Variants in UBE2E3 observed in about 807,000 individuals in gnomAD.
UBE2E3 encodes the protein ubiquitin-conjugating enzyme E2 E3.
Under a neutral mutation model 23.6 loss-of-function variants are expected in UBE2E3, and 5 were observed. The ratio of observed to expected loss-of-function variants is 0.21; its 90% CI spans 0.11 to 0.44. UBE2E3 has a LOEUF of 0.44. Among genes scored for constraint, UBE2E3 ranks in the 20% least tolerant of loss-of-function variants. The pLI is 0.99. For synonymous variants in UBE2E3, 78 were observed against 87.5 expected, an observed-to-expected ratio of 0.89 and a Z score of 0.60; for missense variants, 81 against 249.8, an observed-to-expected ratio of 0.32 and a Z score of 4.55.
chr2:181,029,498 C>G (rs770334454), intron 3 of UBE2E3, among the ~76,000 whole-genome samples: 1 of 151,906 alleles, frequency 6.6e-6, no homozygotes, highest in Non-Finnish European at 1.5e-5. Context: ...AAGTATTGTA[C>G]ATCTTTTGCT....
Position 180,998,689 on chromosome 2 carries a change from A to G in UBE2E3, c.245+14596A>G, listed in dbSNP as rs151279154. Among the ~76,000 whole-genome samples, 32 of 152,280 alleles carry G rather than the reference A, an allele frequency of 2.1e-4. 1 individual carries two copies. In the East Asian group the frequency reaches 6.0e-3, roughly 28 times the overall value. The stretch of plus-strand genomic sequence containing the variant: ...CTGTGCGTGAGCATGTCTATAGTTA[A>G]AGACTTAATGAGAAAGCATCAAATT... On this transcript the variant is annotated intron_variant, in intron 3 of 5. Coordinates refer to ENST00000410062, the MANE Select transcript of UBE2E3 (RefSeq NM_006357.4).
At chr2:181,028,446 A>G (rs1000844415) in intron 3 of UBE2E3, among the ~76,000 whole-genome samples, 2 of 152,068 alleles carry the variant, frequency 1.3e-5, no homozygotes, top group Non-Finnish European at 2.9e-5. Context: ...GGTGAGTCTC[A>G]CAGAGAACGT....
At chr2:181,044,786 C>T (rs1354387170) in intron 3 of UBE2E3, among the ~76,000 whole-genome samples, 3 of 152,120 alleles carry the variant, frequency 2.0e-5, no homozygotes, top group Non-Finnish European at 4.4e-5. Context: ...GTCTTAATTG[C>T]TCACTAGTTT....
At chr2:181,032,433 C>A (rs896200198) in intron 3 of UBE2E3, among the ~76,000 whole-genome samples, 15 of 151,918 alleles carry the variant, frequency 9.9e-5, no homozygotes, top group African/African-American at 3.6e-4. Flanking sequence ...TCAAATGGCC[C>A]CTATTTAACG....
intron 3 of UBE2E3, among the ~76,000 whole-genome samples, chr2:181,038,919 C>T (rs1209700295): frequency 6.6e-6 from 1 of 151,898 alleles, no homozygotes; most frequent in African/African-American, 2.4e-5. Flanking sequence ...TATAAAAAAA[C>T]AGGATGAGGA....
At chr2:181,043,912 C>T (rs529053893) in intron 3 of UBE2E3, among the ~76,000 whole-genome samples, 19 of 152,166 alleles carry the variant, frequency 1.2e-4, no homozygotes, top group Non-Finnish European at 1.3e-4. Flanking sequence ...GTGATTTAAC[C>T]GTTATTTCGT....
At chr2:181,033,283 T>A (rs1425225016) in intron 3 of UBE2E3, among the ~76,000 whole-genome samples, 1 of 152,112 alleles carries the variant, frequency 6.6e-6, no homozygotes, top group African/African-American at 2.4e-5. Context: ...CAAACTATAC[T>A]ACAAGGCTAC....
At chr2:181,017,029 CAG>C (rs1685513115) in intron 3 of UBE2E3, among the ~76,000 whole-genome samples, 1 of 152,136 alleles carries the variant, frequency 6.6e-6, no homozygotes, top group East Asian at 1.9e-4. Context: ...ATATCACAGA[CAG>C]AGTAGGGAGA....
At chr2:181,027,197 G>T (rs1262327635) in intron 3 of UBE2E3, among the ~76,000 whole-genome samples, 2 of 151,796 alleles carry the variant, frequency 1.3e-5, no homozygotes, top group East Asian at 3.9e-4. Flanking sequence ...GTGAATTTCG[G>T]ATTTGTAACG....
intron 3 of UBE2E3, among the ~76,000 whole-genome samples, chr2:181,000,579 G>C (rs1039621172): frequency 6.8e-6 from 1 of 146,176 alleles, no homozygotes; most frequent in Admixed American, 6.9e-5. Context: ...TTTTGAGACA[G>C]AGTCTCGCTC....
At chr2:180,985,148 T>A (rs147348574) in intron 3 of UBE2E3, among the ~76,000 whole-genome samples, 1 of 152,310 alleles carries the variant, frequency 6.6e-6, no homozygotes, top group East Asian at 1.9e-4. Context: ...GATTTGATCC[T>A]GATTTATCCG....
intron 3 of UBE2E3, among the ~76,000 whole-genome samples, chr2:181,019,854 A>G (rs539390264): frequency 6.6e-6 from 1 of 151,996 alleles, no homozygotes; most frequent in South Asian, 2.1e-4. Flanking sequence ...TTGTGGTGAG[A>G]ACATTTAAGA....
chr2:181,029,132 T>G (rs925707751), intron 3 of UBE2E3, among the ~76,000 whole-genome samples: 1 of 152,148 alleles, frequency 6.6e-6, no homozygotes, highest in African/African-American at 2.4e-5. Flanking sequence ...TGATTCTTTT[T>G]TTGCCTAGTT....
chr2:181,040,423 G>A (rs1686451571), intron 3 of UBE2E3, among the ~76,000 whole-genome samples: 1 of 152,044 alleles, frequency 6.6e-6, no homozygotes, highest in Admixed American at 6.6e-5. Flanking sequence ...AAATATTAGT[G>A]GATAGGAAAA....
chr2:181,046,881 C>T (rs1686687129), intron 3 of UBE2E3, among the ~76,000 whole-genome samples: 1 of 152,122 alleles, frequency 6.6e-6, no homozygotes, highest in African/African-American at 2.4e-5. Flanking sequence ...CCAGTTTTGA[C>T]TTATTGGGCC....
At chr2:181,030,486 G>T (rs1279620432) in intron 3 of UBE2E3, among the ~76,000 whole-genome samples, 3 of 151,904 alleles carry the variant, frequency 2.0e-5, no homozygotes, top group Non-Finnish European at 2.9e-5. Flanking sequence ...GATATGATTT[G>T]TTACTAAGAG....
chr2:181,009,052 A>C (rs996685449), intron 3 of UBE2E3, among the ~76,000 whole-genome samples: 1 of 152,178 alleles, frequency 6.6e-6, no homozygotes, highest in East Asian at 1.9e-4. Context: ...CAACATAAAC[A>C]GATAACCATT....
chr2:180,996,159 T>A (rs1387453503), intron 3 of UBE2E3, among the ~76,000 whole-genome samples: 2 of 152,204 alleles, frequency 1.3e-5, no homozygotes, highest in African/African-American at 4.8e-5. Flanking sequence ...CCTTAGAGGG[T>A]AAAAGTCATA....
intron 3 of UBE2E3, among the ~76,000 whole-genome samples, chr2:181,007,778 A>G (rs571693798): frequency 4.6e-5 from 7 of 152,316 alleles, no homozygotes; most frequent in South Asian, 2.1e-4. Context: ...ACTTTCCACA[A>G]TGGTAGAAGG....
Sources: gnomAD v4.1 joint callset for allele counts (sites outside exome capture counted in the v4.1 genomes callset) on GRCh38, gnomAD v4.1.1 for gene constraint, MANE v1.5 for transcripts, NCBI Gene and HGNC (gene_info 2026-07-23, HGNC 2026-07-21) for gene names.